The following CDK19 variants were observed in gnomAD, a reference collection of about 807,000 sequenced individuals.
The protein encoded by CDK19 is cyclin-dependent kinase 19.
Under a neutral mutation model 68.3 loss-of-function variants are expected in CDK19, and 20 were observed. The observed-to-expected ratio is 0.29, with a 90% confidence interval of 0.21 to 0.43. The LOEUF is 0.43. Ranked by LOEUF, CDK19 falls within the 20% of genes least tolerant of loss-of-function variation. The pLI, the probability that CDK19 is intolerant of heterozygous loss-of-function variation, is 1.00. For missense variants in CDK19, 339 were observed against 623.5 expected, an observed-to-expected ratio of 0.54 and a Z score of 4.86; for synonymous variants, 221 against 222.8, an observed-to-expected ratio of 0.99 and a Z score of 0.07.
At chr6:110,711,413 TA>T (rs1269415585) in intron 2 of CDK19, among the ~76,000 whole-genome samples, 1 of 152,240 alleles carries the variant, frequency 6.6e-6, no homozygotes, top group Non-Finnish European at 1.5e-5. Context: ...TTGAATTATT[TA>T]AGTCTTACAT....
intron 4 of CDK19, among the ~76,000 whole-genome samples, chr6:110,666,840 C>A (rs1294344498): frequency 1.3e-5 from 2 of 149,068 alleles, no homozygotes; most frequent in African/African-American, 5.2e-5. Context: ...ACTAAAATAA[C>A]AACAATGTGA....
In CDK19 at chr6:110,614,943, G is replaced by A. The variant is rs541813204; in HGVS notation, c.1378-277C>T. Among the ~76,000 whole-genome samples, 28 of 152,290 alleles carry A rather than the reference G, an allele frequency of 1.8e-4. No individual in the cohort carries two copies. The South Asian group carries it at 5.4e-3, about 29-fold the overall frequency. ...GAAAGGAAAAGGGGAAATTTCAGCG[G>A]ACCCATTTCTCTTTATTCCAATTCT... On this transcript the variant is annotated intron_variant, in intron 12 of 12. Transcript: ENST00000368911.
intron 1 of CDK19, among the ~76,000 whole-genome samples, chr6:110,785,905 G>GGGAGGCAGAGATT (rs1781182943): frequency 6.6e-6 from 1 of 151,918 alleles, no homozygotes; most frequent in African/African-American, 2.4e-5. Context: ...GCTTGAACCG[G>GGGAGGCAGAGATT]GGAGGCAGAG....
At chr6:110,783,462 A>G (rs918880773) in intron 1 of CDK19, among the ~76,000 whole-genome samples, 1 of 151,562 alleles carries the variant, frequency 6.6e-6, no homozygotes, top group Non-Finnish European at 1.5e-5. Flanking sequence ...ACATGATGAA[A>G]CTCCATCTCT....
At chr6:110,775,770 G>A (rs1008473800) in intron 1 of CDK19, among the ~76,000 whole-genome samples, 1 of 152,166 alleles carries the variant, frequency 6.6e-6, no homozygotes, top group African/African-American at 2.4e-5. Flanking sequence ...TATCTTCATG[G>A]AATATTTAGA....
intron 4 of CDK19, chr6:110,646,530 A>C: frequency 8.0e-7 from 1 of 1,254,476 alleles, no homozygotes. Context: ...GTGCGCCTCC[A>C]CCTGCAACAG....
intron 2 of CDK19, among the ~76,000 whole-genome samples, chr6:110,714,229 C>T (rs1221355575): frequency 6.6e-6 from 1 of 152,136 alleles, no homozygotes; most frequent in East Asian, 1.9e-4. Flanking sequence ...ACATAATGTT[C>T]TCAAGGTTCA....
intron 4 of CDK19, chr6:110,646,308 G>A (rs1780570337): frequency 1.3e-6 from 2 of 1,494,240 alleles, no homozygotes; most frequent in South Asian, 1.3e-5. Context: ...GGTGCTCAGC[G>A]ACTACCTGCG....
At chr6:110,638,089 G>C (rs1779898878) in intron 5 of CDK19, among the ~76,000 whole-genome samples, 2 of 152,112 alleles carry the variant, frequency 1.3e-5, no homozygotes, top group South Asian at 4.1e-4. Context: ...GGATTATAAA[G>C]GAAATCTTAA....
intron 2 of CDK19, among the ~76,000 whole-genome samples, chr6:110,734,593 CCAAAT>C (rs1299979916): frequency 7.2e-6 from 1 of 138,292 alleles, no homozygotes. Context: ...CTGTTTCAGA[CCAAAT>C]ATCCTTCTAC....
rs781528063 is a variant in CDK19 at position 110,623,376 on chromosome 6, C to T, written c.861-14G>A. The T allele has an allele frequency of 2.4e-5, 39 of 1,611,896 alleles. No homozygotes were observed. The highest frequency in any genetic ancestry group is 3.3e-5 in the Non-Finnish European group (39 of 1,178,936). ...CTGTTGGCATACCTGCAAGGACACGCACAGTCACACATCACTGGGAACACT... is the reference window on the plus strand; with the variant it reads ...CTGTTGGCATACCTGCAAGGACACGTACAGTCACACATCACTGGGAACACT... On this transcript the variant is annotated splice_polypyrimidine_tract_variant and intron_variant, in intron 8 of 12. Coordinates refer to ENST00000368911, the MANE Select transcript of CDK19 (RefSeq NM_015076.5).
chr6:110,679,355 G>A (rs535877166), intron 2 of CDK19, among the ~76,000 whole-genome samples: 7 of 151,702 alleles, frequency 4.6e-5, no homozygotes, highest in African/African-American at 1.2e-4. Flanking sequence ...GCTCATGCCT[G>A]TAATCCCAGC....
In CDK19 at chr6:110,720,624, T is replaced by C. The variant is rs1252089445; in HGVS notation, c.204+25502A>G. ...GCTCATGTCTGTAATCCCAACACTTTGGGAGGCCAAGGCAGGCAGATTACC... is the reference window on the plus strand; with the variant it reads ...GCTCATGTCTGTAATCCCAACACTTCGGGAGGCCAAGGCAGGCAGATTACC... On this transcript the variant is annotated intron_variant, in intron 2 of 12. Coordinates refer to ENST00000368911, the MANE Select transcript of CDK19 (RefSeq NM_015076.5). Among the ~76,000 whole-genome samples the C allele has an allele frequency of 2.0e-5, 3 of 152,172 alleles. No individual in the cohort carries two copies. The East Asian group carries it at 5.8e-4, about 29-fold the overall frequency.
At chr6:110,729,703 T>C (rs935943280) in intron 2 of CDK19, among the ~76,000 whole-genome samples, 9 of 151,606 alleles carry the variant, frequency 5.9e-5, no homozygotes, top group Non-Finnish European at 1.2e-4. Context: ...CCCAAAGTGC[T>C]GGGATTACAG....
chr6:110,743,366 G>C (rs1416268227), intron 2 of CDK19, among the ~76,000 whole-genome samples: 2 of 152,180 alleles, frequency 1.3e-5, no homozygotes, highest in African/African-American at 4.8e-5. Context: ...CTATGGCTGA[G>C]AGTGGTGACT....
At chr6:110,639,254 C>A (rs1395044668) in intron 4 of CDK19, among the ~76,000 whole-genome samples, 1 of 152,088 alleles carries the variant, frequency 6.6e-6, no homozygotes, top group Non-Finnish European at 1.5e-5. Flanking sequence ...AAGGCTAATA[C>A]AGAACTATAA....
intron 2 of CDK19, among the ~76,000 whole-genome samples, chr6:110,679,962 T>G (rs1325391476): frequency 1.3e-5 from 2 of 152,028 alleles, no homozygotes; most frequent in African/African-American, 2.4e-5. Context: ...TTAAATCTAC[T>G]CAACCGGTTC....
Position 110,815,201 on chromosome 6 carries a change from C to T in CDK19, c.-65G>A. 1 of 1,454,324 alleles carries T rather than the reference C, an allele frequency of 6.9e-7. No individual in the cohort carries two copies. 90.1% of individuals were successfully genotyped at this position (1,454,324 alleles called of 1,614,324 possible). ...CCGCCGCTCAGTCCCTCCTCCTCCT[C>T]CCCCCGCGACCGCCGCTCCACTTCT... On this transcript the variant is annotated 5_prime_UTR_variant, in exon 1 of 13. Transcript: ENST00000368911.
At chr6:110,678,862 G>A (rs931892182) in intron 2 of CDK19, among the ~76,000 whole-genome samples, 1 of 152,178 alleles carries the variant, frequency 6.6e-6, no homozygotes, top group Non-Finnish European at 1.5e-5. Flanking sequence ...TGTGCTGTCC[G>A]GTAGAGGTTC....
Sources: gnomAD v4.1 joint callset for allele counts (sites outside exome capture counted in the v4.1 genomes callset) on GRCh38, gnomAD v4.1.1 for gene constraint, MANE v1.5 for transcripts, NCBI Gene and HGNC (gene_info 2026-07-23, HGNC 2026-07-21) for gene names.